LRP1B: variants seen among roughly 807,000 people sequenced by gnomAD.
LRP1B encodes the protein low-density lipoprotein receptor-related protein 1B.
Under a neutral mutation model 556.6 loss-of-function variants are expected in LRP1B, and 217 were observed. That is an observed-to-expected ratio of 0.39 (90% CI 0.35 to 0.44). LRP1B has a LOEUF of 0.44. LRP1B is among the 20% of genes least tolerant of loss of function. LRP1B has a pLI of 1.00. For synonymous variants in LRP1B, 2,047 were observed against 1,865.8 expected, an observed-to-expected ratio of 1.10 and a Z score of -2.50; for missense variants, 5,053 against 5,620.8, an observed-to-expected ratio of 0.90 and a Z score of 3.23.
chr2:140,848,071 T>C (rs1372377100), intron 29 of LRP1B, among the ~76,000 whole-genome samples: 1 of 152,172 alleles, frequency 6.6e-6, no homozygotes, highest in Non-Finnish European at 1.5e-5. Context: ...TTTTGGATAA[T>C]ATTAAATATT....
At chr2:140,275,092 T>C (rs1469821484) in intron 84 of LRP1B, among the ~76,000 whole-genome samples, 2 of 151,964 alleles carry the variant, frequency 1.3e-5, no homozygotes, top group African/African-American at 4.8e-5. Flanking sequence ...ACAAACTTTC[T>C]CATTAATGCA....
At chr2:141,105,538 G>A (rs1424901131) in intron 7 of LRP1B, among the ~76,000 whole-genome samples, 1 of 152,094 alleles carries the variant, frequency 6.6e-6, no homozygotes, top group African/African-American at 2.4e-5. Context: ...GACGGAGAAA[G>A]CTTAACCTGA....
At chr2:140,422,304 T>C (rs1159633193) in intron 66 of LRP1B, among the ~76,000 whole-genome samples, 5 of 152,174 alleles carry the variant, frequency 3.3e-5, no homozygotes, top group Non-Finnish European at 7.4e-5. Flanking sequence ...GATAAGATGG[T>C]GTCATAGAAG....
At chr2:140,673,960 T>C (rs1022819962) in intron 41 of LRP1B, among the ~76,000 whole-genome samples, 1 of 150,172 alleles carries the variant, frequency 6.7e-6, no homozygotes, top group African/African-American at 2.5e-5. Context: ...TTTTTTTTTC[T>C]TTTTTTGCGA....
At chr2:141,580,953 A>G (rs571399561) in intron 2 of LRP1B, among the ~76,000 whole-genome samples, 12 of 152,330 alleles carry the variant, frequency 7.9e-5, no homozygotes, top group South Asian at 4.1e-4. Flanking sequence ...CTGACTGTTT[A>G]TATTAGTTAT....
chr2:142,016,848 GTATA>G (rs372682597), intron 1 of LRP1B, among the ~76,000 whole-genome samples: 1 of 71,726 alleles, frequency 1.4e-5, no homozygotes, highest in African/African-American at 3.8e-5. Flanking sequence ...ATGTATATAT[GTATA>G]TATATACACA....
chr2:140,968,513 T>TTTTG (rs1553438892), intron 18 of LRP1B, among the ~76,000 whole-genome samples: 6 of 150,274 alleles, frequency 4.0e-5, no homozygotes, highest in South Asian at 2.1e-4. Flanking sequence ...GTTTTTTTTT[T>TTTTG]TGTGTCTCTA....
At position 140,492,604 on chromosome 2, in the gene LRP1B, A is replaced by G. The variant is rs377344995; in HGVS notation, c.9120+4T>C. The G allele has an allele frequency of 1.2e-6, 2 of 1,605,706 alleles. No homozygotes were observed. The highest frequency in any genetic ancestry group is 2.7e-5 in the African/African-American group (2 of 74,740). On this transcript the variant is annotated splice_donor_region_variant and intron_variant, in intron 57 of 90. Coordinates refer to ENST00000389484, the MANE Select transcript of LRP1B (RefSeq NM_018557.3). ...GTTACGGTGTCATCTTGGGAGTGTC[A>G]TACCTGTTTTAAAAGTGTGTAGTTG...
At chr2:141,495,722 T>C (rs1254161885) in intron 2 of LRP1B, among the ~76,000 whole-genome samples, 1 of 151,964 alleles carries the variant, frequency 6.6e-6, no homozygotes, top group African/African-American at 2.4e-5. Context: ...TGTGAGTGCA[T>C]GCACACACAC....
chr2:141,270,805 A>G (rs892164016), intron 3 of LRP1B, among the ~76,000 whole-genome samples: 1 of 152,010 alleles, frequency 6.6e-6, no homozygotes, highest in African/African-American at 2.4e-5. Context: ...AGAATCCATT[A>G]CTTAATGGAT....
intron 7 of LRP1B, among the ~76,000 whole-genome samples, chr2:141,174,959 G>A (rs139204727): frequency 6.6e-6 from 1 of 152,128 alleles, no homozygotes; most frequent in Non-Finnish European, 1.5e-5. Context: ...CTAGAGTAAA[G>A]ATCACTCTTG....
At chr2:140,366,960 T>C (rs189086027) in intron 71 of LRP1B, among the ~76,000 whole-genome samples, 3 of 151,770 alleles carry the variant, frequency 2.0e-5, no homozygotes, top group African/African-American at 7.2e-5. Context: ...GTAATGAGTT[T>C]CTGGAGGATC....
At chr2:142,023,439 T>C (rs1703408923) in intron 1 of LRP1B, among the ~76,000 whole-genome samples, 1 of 152,168 alleles carries the variant, frequency 6.6e-6, no homozygotes, top group African/African-American at 2.4e-5. Context: ...GATTTCTACT[T>C]TATGTCAAGG....
chr2:140,727,116 G>A (rs1687621968), intron 35 of LRP1B, among the ~76,000 whole-genome samples: 1 of 152,090 alleles, frequency 6.6e-6, no homozygotes. Flanking sequence ...ATTTAATACA[G>A]TAATAAGATA....
At chr2:140,573,858 T>G (rs16844263) in intron 43 of LRP1B, among the ~76,000 whole-genome samples, 19,014 of 152,004 alleles carry the variant, frequency 0.13, 1,282 homozygotes, top group East Asian at 0.23. Flanking sequence ...GGCCCGGCAA[T>G]TCTCACACTT....
chr2:141,449,373 T>C (rs1681322329), intron 3 of LRP1B, among the ~76,000 whole-genome samples: 2 of 152,240 alleles, frequency 1.3e-5, no homozygotes, highest in Non-Finnish European at 2.9e-5. Context: ...TATATTTAAA[T>C]ATTTTACTGT....
chr2:141,994,042 A>G (rs1171189798), intron 1 of LRP1B, among the ~76,000 whole-genome samples: 1 of 152,194 alleles, frequency 6.6e-6, no homozygotes, highest in Non-Finnish European at 1.5e-5. Context: ...GTCAAGATCC[A>G]AAACACCCAA....
At chr2:141,656,015 T>C (rs546738213) in intron 2 of LRP1B, among the ~76,000 whole-genome samples, 1 of 152,288 alleles carries the variant, frequency 6.6e-6, no homozygotes, top group Admixed American at 6.5e-5. Context: ...TTAGTCATTA[T>C]AGAAAGCTTA....
chr2:141,337,681 A>G (rs561024121), intron 3 of LRP1B, among the ~76,000 whole-genome samples: 10 of 152,294 alleles, frequency 6.6e-5, no homozygotes, highest in Admixed American at 3.9e-4. Context: ...TTTGCTATTA[A>G]ACCCAACCAG....
Sources: allele counts gnomAD v4.1 joint callset (sites outside exome capture counted in the v4.1 genomes callset), GRCh38; gene constraint gnomAD v4.1.1; transcripts MANE v1.5; gene names NCBI Gene and HGNC (gene_info 2026-07-23, HGNC 2026-07-21).